The following TRMT1L variants were observed in gnomAD, a reference collection of about 807,000 sequenced individuals.
The protein encoded by TRMT1L is tRNA (guanine(27)-N(2))-dimethyltransferase.
A neutral mutation model predicts 81.6 loss-of-function variants in TRMT1L; 28 were observed. The observed-to-expected ratio is 0.34, with a 90% confidence interval of 0.25 to 0.47. TRMT1L has a LOEUF of 0.47. Ranked by LOEUF, TRMT1L falls within the 20% of genes least tolerant of loss-of-function variation. The pLI, the probability that TRMT1L is intolerant of heterozygous loss-of-function variation, is 1.00. For synonymous variants in TRMT1L, 301 were observed against 303.2 expected, an observed-to-expected ratio of 0.99 and a Z score of 0.07; for missense variants, 739 against 877.1, an observed-to-expected ratio of 0.84 and a Z score of 1.99.
chr1:185,128,011 G>A (rs1284481816), intron 11 of TRMT1L, among the ~76,000 whole-genome samples: 1 of 151,816 alleles, frequency 6.6e-6, no homozygotes, highest in African/African-American at 2.4e-5. Flanking sequence ...CTACTCAGGA[G>A]GCTGAGGCAG....
chr1:185,120,161 A>C lies in TRMT1L; in HGVS notation c.2060T>G (p.Ile687Ser). The C allele has an allele frequency of 6.2e-7, 1 of 1,613,936 alleles. No homozygotes were observed. The highest frequency in any genetic ancestry group is 8.5e-7 in the Non-Finnish European group (1 of 1,179,930). ...TDAPLMQFKS[I>S]LLKYSTPTYT... ...GGTGGGGGTGCTGTACTTTAAAAGGATAGATTTAAACTGCATCAGAGGTGC... is the reference window on the plus strand; with the variant it reads ...GGTGGGGGTGCTGTACTTTAAAAGGCTAGATTTAAACTGCATCAGAGGTGC... Residue 687 changes from isoleucine to serine, a missense_variant, in exon 15 of 15, where the codon ATC (isoleucine) becomes AGC (serine). Around this residue, in one of 4 missense-constraint regions of TRMT1L, gnomAD observed 196 missense variants for 232.6 expected, o/e 0.84. Coordinates refer to ENST00000367506, the MANE Select transcript of TRMT1L (RefSeq NM_030934.5).
chr1:185,128,875 AAGT>A (rs1437189937), intron 10 of TRMT1L, 128 bp from the exon 11 acceptor site: 2 of 779,080 alleles, frequency 2.6e-6, no homozygotes, highest in Non-Finnish European at 4.2e-6. Flanking sequence ...GTATTATGCT[AAGT>A]ATTTTATGTA....
chr1:185,120,282 G>T lies in TRMT1L; in HGVS notation c.1950-11C>A, dbSNP rs752185693. On this transcript the variant is annotated splice_polypyrimidine_tract_variant and intron_variant, in intron 14 of 14. Transcript: ENST00000367506. ...AAAAACTTTTTTAACCTGCAAAAAGGAAAGGAAAGAAAAAATAATCAGGTT... is the reference window on the plus strand; with the variant it reads ...AAAAACTTTTTTAACCTGCAAAAAGTAAAGGAAAGAAAAAATAATCAGGTT... 1 of 1,511,664 alleles carries T rather than the reference G, an allele frequency of 6.6e-7. No homozygotes were observed. Among genetic ancestry groups the T allele is most frequent in the East Asian group, 2.3e-5 (1 of 42,828 alleles). 93.6% of individuals were successfully genotyped at this position (1,511,664 alleles called of 1,614,324 possible). A position where few individuals can be genotyped will look rare whatever the true frequency, so the allele number is the denominator to read the frequency against.
intron 13 of TRMT1L, chr1:185,120,772 T>TC (rs1652481525): frequency 4.1e-6 from 1 of 240,968 alleles, no homozygotes; most frequent in Non-Finnish European, 7.9e-6. Flanking sequence ...CATCTGTCAA[T>TC]CTGGGGCTAG....
intron 13 of TRMT1L, among the ~76,000 whole-genome samples, chr1:185,121,976 T>G (rs1004128023): frequency 2.6e-5 from 4 of 152,032 alleles, no homozygotes; most frequent in African/African-American, 9.7e-5. Flanking sequence ...GTGTCTATTA[T>G]TCCCATCTGA....
In TRMT1L at chr1:185,153,376, T is replaced by G. The variant is rs115081181; in HGVS notation, c.236-1441A>C. On this transcript the variant is annotated intron_variant, in intron 1 of 14. Coordinates refer to ENST00000367506, the MANE Select transcript of TRMT1L (RefSeq NM_030934.5). ...GTAGATATTTATAAGAAAAATTAAGTAGAAGGAATCAGGAATGTAGATTCA... is the reference window on the plus strand; with the variant it reads ...GTAGATATTTATAAGAAAAATTAAGGAGAAGGAATCAGGAATGTAGATTCA... 3.2e-3 allele frequency among the ~76,000 whole-genome samples: 489 copies of G among 152,042 alleles called. 2 individuals carry two copies. Among genetic ancestry groups the G allele is most frequent in the African/African-American group, 0.011 (464 of 41,466 alleles).
At chr1:185,133,733 G>A (rs1297930484) in intron 10 of TRMT1L, among the ~76,000 whole-genome samples, 1 of 151,934 alleles carries the variant, frequency 6.6e-6, no homozygotes, top group Non-Finnish European at 1.5e-5. Context: ...AAGTAGCTGG[G>A]ACTAAGGGCA....
chr1:185,139,572 C>T lies in TRMT1L; in HGVS notation c.1117G>A (p.Asp373Asn). 1 of 1,604,894 alleles carries T rather than the reference C, an allele frequency of 6.2e-7. No homozygotes were observed. The highest frequency in any genetic ancestry group is 8.5e-7 in the Non-Finnish European group (1 of 1,174,864). The change falls in exon 9 of 15, where the codon GAC becomes AAC. Residue 373 changes from aspartate to asparagine, a missense_variant. By Grantham distance (23) the Asp-to-Asn change is conservative. Around this residue, in one of 4 missense-constraint regions of TRMT1L, gnomAD observed 331 missense variants for 462.2 expected, o/e 0.72. Coordinates refer to ENST00000367506, the MANE Select transcript of TRMT1L (RefSeq NM_030934.5). ...TAATTCACTGATGTTCCAAAAGGGT[C>T]TAGATGTCTAAAATCAGAAAGAATA... Reference protein sequence around the residue: ...HLRSFDFIHLDPFGTSVNYLD... With the variant: ...HLRSFDFIHLNPFGTSVNYLD...
intron 7 of TRMT1L, among the ~76,000 whole-genome samples, chr1:185,142,409 A>G (rs1274570800): frequency 6.6e-6 from 1 of 152,292 alleles, no homozygotes; most frequent in Non-Finnish European, 1.5e-5. Flanking sequence ...AAACTCCCCA[A>G]AAGTGTACTC....
Position 185,119,923 on chromosome 1 carries a change from T to G in TRMT1L, c.*96A>C. 2.3e-6 allele frequency: 3 copies of G among 1,293,926 alleles called. No individual in the cohort carries two copies. The highest frequency in any genetic ancestry group is 3.1e-6 in the Non-Finnish European group (3 of 973,330). The allele number at this position is 1,293,926 out of a possible 1,614,324, so 80.2% of individuals were successfully genotyped here. A position where few individuals can be genotyped will look rare whatever the true frequency, so the allele number is the denominator to read the frequency against. Reference sequence around the variant, plus strand: ...AAATGACACTGTTTTTTATTTTTACTCTACTGAATTGAAAGAACAGAAAAA... The same window carrying G: ...AAATGACACTGTTTTTTATTTTTACGCTACTGAATTGAAAGAACAGAAAAA... On this transcript the variant is annotated 3_prime_UTR_variant, in exon 15 of 15. Transcript: ENST00000367506.
At chr1:185,149,592 C>T (rs1157975085) in intron 3 of TRMT1L, among the ~76,000 whole-genome samples, 2 of 151,912 alleles carry the variant, frequency 1.3e-5, no homozygotes, top group Non-Finnish European at 2.9e-5. Flanking sequence ...GTATGAGCCA[C>T]TGTGTCCAAC....
At chr1:185,154,235 C>T (rs1296083771) in intron 1 of TRMT1L, among the ~76,000 whole-genome samples, 1 of 152,190 alleles carries the variant, frequency 6.6e-6, no homozygotes, top group African/African-American at 2.4e-5. Flanking sequence ...TGTCACCCAG[C>T]CTCCATGGAA....
intron 10 of TRMT1L, among the ~76,000 whole-genome samples, chr1:185,136,621 A>G (rs560681551): frequency 6.6e-6 from 1 of 152,332 alleles, no homozygotes; most frequent in East Asian, 1.9e-4. Flanking sequence ...GTTATTATTT[A>G]CTTTTATATT....
chr1:185,142,300 G>C (rs146722525), intron 7 of TRMT1L, among the ~76,000 whole-genome samples: 2 of 152,288 alleles, frequency 1.3e-5, no homozygotes, highest in East Asian at 3.9e-4. Context: ...TTTGAACTCA[G>C]GCAGTCTGGT....
Position 185,120,463 on chromosome 1 carries a change from T to G in TRMT1L, c.1869A>C (p.Gln623His). ...NEMITNLGKK[Q>H]KTDVSTEHPP... ...GATGTTCAGTACTGACATCAGTCTT[T>G]TGCTTCTTGCCTAAATTTGTGATCA... Residue 623 changes from glutamine to histidine, a missense_variant, in exon 14 of 15, where the codon CAA (glutamine) becomes CAC (histidine). Coordinates refer to ENST00000367506, the MANE Select transcript of TRMT1L (RefSeq NM_030934.5). The G allele has an allele frequency of 6.2e-7, 1 of 1,601,848 alleles. No individual in the cohort carries two copies. The highest frequency in any genetic ancestry group is 8.5e-7 in the Non-Finnish European group (1 of 1,175,736).
chr1:185,156,391 C>T (rs1653566391), intron 1 of TRMT1L, 87 bp downstream of exon 1: 3 of 1,612,122 alleles, frequency 1.9e-6, no homozygotes, highest in Non-Finnish European at 2.5e-6. Flanking sequence ...CCCATAAAAA[C>T]CATCCCGGTG....
Position 185,156,669 on chromosome 1 carries a change from T to A in TRMT1L, c.44A>T (p.Glu15Val). The A allele has an allele frequency of 6.2e-7, 1 of 1,611,994 alleles. No homozygotes were observed. Residue 15 changes from glutamate to valine, a missense_variant, in exon 1 of 15, where the codon GAG becomes GTG. Glu to Val is a moderately radical substitution (Grantham distance 121). Around this residue, in one of 4 missense-constraint regions of TRMT1L, gnomAD observed 209 missense variants for 165.4 expected, o/e 1.26. Transcript: ENST00000367506. Reference sequence around the variant, plus strand: ...CTGGACCTGGGCCACCTCCACCTCCTCCTTCTCCAGGGGCAGCAGCTCCTC... The same window carrying A: ...CTGGACCTGGGCCACCTCCACCTCCACCTTCTCCAGGGGCAGCAGCTCCTC... ...AEEELLPLEK[E>V]EVEVAQVQVP... is the part of the protein sequence containing the mutation.
Position 185,120,123 on chromosome 1 carries a change from G to A in TRMT1L, c.2098C>T (p.Gln700Ter). The A allele has an allele frequency of 6.2e-7, 1 of 1,613,982 alleles. No homozygotes were observed. The highest frequency in any genetic ancestry group is 8.5e-7 in the Non-Finnish European group (1 of 1,179,934). Residue 700 changes from glutamine to a stop codon, truncating the protein, a stop_gained, in exon 15 of 15, where the codon CAG becomes TAG. Transcript: ENST00000367506. LOFTEE classifies it high-confidence loss of function. Reference sequence around the variant, plus strand: ...GCTGACTGGACATGGCTTTCTGACTGTCCTCCAGTGTAGGTGGGGGTGCTG... The same window carrying A: ...GCTGACTGGACATGGCTTTCTGACTATCCTCCAGTGTAGGTGGGGGTGCTG... ...KYSTPTYTGG[Q>*]SESHVQSASE...
Position 185,141,521 on chromosome 1 carries a change from T to C in TRMT1L, c.860-1299A>G, listed in dbSNP as rs190623360. On this transcript the variant is annotated intron_variant, in intron 7 of 14. Coordinates refer to ENST00000367506, the MANE Select transcript of TRMT1L (RefSeq NM_030934.5). Reference sequence around the variant, plus strand: ...GAGTTCGAGACCAGCTTGGCCAACATGGCGAAGCCCTGTCTCTACTAAAAA... The same window carrying C: ...GAGTTCGAGACCAGCTTGGCCAACACGGCGAAGCCCTGTCTCTACTAAAAA... 6.7e-4 allele frequency among the ~76,000 whole-genome samples: 102 copies of C among 152,250 alleles called. 1 individual carries two copies. Among genetic ancestry groups the C allele is most frequent in the Admixed American group, 1.4e-3 (21 of 15,290 alleles).
Sources: allele counts gnomAD v4.1 joint callset (sites outside exome capture counted in the v4.1 genomes callset), GRCh38; gene constraint gnomAD v4.1.1; regional missense constraint gnomAD v4.1.1; transcripts MANE v1.5; gene names NCBI Gene and HGNC (gene_info 2026-07-23, HGNC 2026-07-21).